Variants in LRRC28 observed in about 807,000 individuals in gnomAD.
LRRC28 encodes the protein leucine-rich repeat-containing protein 28.
LRRC28 carries 39 observed loss-of-function variants against 45.7 expected under a neutral mutation model. The observed-to-expected ratio is 0.85, with a 90% CI of 0.66 to 1.12. The LOEUF (loss-of-function observed/expected upper bound fraction) is 1.12, where lower values mean the gene tolerates loss of function less well. LRRC28 is among the 50% of genes most tolerant of loss of function. The pLI, the probability that LRRC28 is intolerant of heterozygous loss-of-function variation, is 0.00. For missense variants in LRRC28, 435 were observed against 438.5 expected (o/e 0.99, Z 0.07); for synonymous variants, 206 against 178.8 (o/e 1.15, Z -1.22).
intron 2 of LRRC28, among the ~76,000 whole-genome samples, chr15:99,263,397 A>G (rs892384422): frequency 6.6e-6 from 1 of 151,968 alleles, no homozygotes; most frequent in African/African-American, 2.4e-5. Flanking sequence ...TGTTTTAAAT[A>G]CTTTTTCCAT....
chr15:99,352,271 A>T (rs1956905277), intron 6 of LRRC28, 98 bp from the exon 7 acceptor site: 1 of 832,258 alleles, frequency 1.2e-6, no homozygotes, highest in Non-Finnish European at 1.9e-6. Flanking sequence ...CCAGAGTAGA[A>T]ATCTTCGAAT....
intron 6 of LRRC28, among the ~76,000 whole-genome samples, chr15:99,342,607 G>GAACT (rs1446198299): frequency 6.6e-6 from 1 of 152,118 alleles, no homozygotes; most frequent in Non-Finnish European, 1.5e-5. Context: ...GGAAGTGTAG[G>GAACT]AACTGTGTGT....
rs1958132611 is a variant in LRRC28, at chr15:99,389,857, C to T, written c.*3755C>T. ...ATCAAGTCTCGGCAGTGGCTCATGCCTATAATCCCAGCACTTTGGGAGGCC... is the reference window on the plus strand; with the variant it reads ...ATCAAGTCTCGGCAGTGGCTCATGCTTATAATCCCAGCACTTTGGGAGGCC... On this transcript the variant is annotated 3_prime_UTR_variant, in exon 10 of 10. Transcript: ENST00000301981. 1 of 152,182 alleles carries T rather than the reference C, an allele frequency of 6.6e-6. No individual in the cohort carries two copies. The highest frequency in any genetic ancestry group is 2.4e-5 in the African/African-American group (1 of 41,426). The allele number at this position is 152,182 out of a possible 1,614,324, so 9.4% of individuals were successfully genotyped here. A position where few individuals can be genotyped will look rare whatever the true frequency, so the allele number is the denominator to read the frequency against.
intron 5 of LRRC28, among the ~76,000 whole-genome samples, chr15:99,324,463 A>G (rs1430489097): frequency 6.6e-6 from 1 of 152,068 alleles, no homozygotes; most frequent in Non-Finnish European, 1.5e-5. Flanking sequence ...AGTGCTTAAA[A>G]ATATCAAGTC....
At chr15:99,321,024 G>T (rs967096192) in intron 5 of LRRC28, among the ~76,000 whole-genome samples, 1 of 152,108 alleles carries the variant, frequency 6.6e-6, no homozygotes, top group East Asian at 1.9e-4. Flanking sequence ...TTACTCAGAG[G>T]ATGCCAATCT....
intron 6 of LRRC28, among the ~76,000 whole-genome samples, chr15:99,336,668 C>G (rs1445163716): frequency 1.3e-5 from 2 of 152,320 alleles, no homozygotes; most frequent in East Asian, 3.9e-4. Context: ...CTCCCAATTA[C>G]TTGTTTCCAT....
chr15:99,383,552 A>G (rs1310397225), intron 9 of LRRC28, among the ~76,000 whole-genome samples: 1 of 152,186 alleles, frequency 6.6e-6, no homozygotes, highest in African/African-American at 2.4e-5. Flanking sequence ...GTTTCTCTGT[A>G]GTGGGCAGTT....
At chr15:99,293,711 G>C (rs2082195499) in intron 5 of LRRC28, among the ~76,000 whole-genome samples, 1 of 143,772 alleles carries the variant, frequency 7.0e-6, no homozygotes, top group Admixed American at 7.2e-5. Flanking sequence ...CAGTCTTGCT[G>C]TGTTGCCCAA....
chr15:99,380,855 G>A (rs538439947), intron 9 of LRRC28, among the ~76,000 whole-genome samples: 2 of 152,186 alleles, frequency 1.3e-5, no homozygotes, highest in Non-Finnish European at 2.9e-5. Flanking sequence ...AATGTTGACT[G>A]TTGGTCCCCA....
rs1435831723 is a variant in LRRC28, at chr15:99,387,250, C to CG, written c.*1152dup. 6.6e-6 allele frequency: 1 copy of CG among 150,616 alleles called. No homozygotes were observed. Among genetic ancestry groups the CG allele is most frequent in the East Asian group, 2.0e-4 (1 of 5,094 alleles). 9.3% of individuals were successfully genotyped at this position (150,616 alleles called of 1,614,324 possible). On this transcript the variant is annotated 3_prime_UTR_variant, in exon 10 of 10. Coordinates refer to ENST00000301981, the MANE Select transcript of LRRC28 (RefSeq NM_144598.5). The stretch of plus-strand genomic sequence containing the variant: ...TAATTTTTTGTATTTTTAGTAGAGA[C>CG]GGGGTTTCACCGTGTTAGCCGGGAT...
chr15:99,375,531 T>C (rs1386915722), intron 9 of LRRC28, among the ~76,000 whole-genome samples: 1 of 152,206 alleles, frequency 6.6e-6, no homozygotes, highest in Non-Finnish European at 1.5e-5. Context: ...CTGAAGAAAT[T>C]GTGTAAAACT....
intron 6 of LRRC28, among the ~76,000 whole-genome samples, chr15:99,346,062 G>T (rs1317137187): frequency 6.6e-6 from 1 of 152,132 alleles, no homozygotes; most frequent in Non-Finnish European, 1.5e-5. Context: ...GCTCACTGCA[G>T]CCTTGAAGTA....
chr15:99,344,359 C>T (rs1326111964), intron 6 of LRRC28, among the ~76,000 whole-genome samples: 1 of 151,950 alleles, frequency 6.6e-6, no homozygotes, highest in Non-Finnish European at 1.5e-5. Context: ...CTCCATCACC[C>T]ACTGCATTGT....
chr15:99,262,888 G>T (rs2081235824), intron 2 of LRRC28, among the ~76,000 whole-genome samples: 1 of 151,832 alleles, frequency 6.6e-6, no homozygotes, highest in Non-Finnish European at 1.5e-5. Flanking sequence ...GGGCTCAAGT[G>T]ATACTCCTGC....
In LRRC28 at chr15:99,387,252, G is replaced by A. The variant is rs982156045; in HGVS notation, c.*1150G>A. 4.6e-5 allele frequency: 7 copies of A among 150,794 alleles called. No homozygotes were observed. The highest frequency in any genetic ancestry group is 3.2e-3 in the Middle Eastern group (1 of 314). 9.3% of individuals were successfully genotyped at this position (150,794 alleles called of 1,614,324 possible). On this transcript the variant is annotated 3_prime_UTR_variant, in exon 10 of 10. Coordinates refer to ENST00000301981, the MANE Select transcript of LRRC28 (RefSeq NM_144598.5). ...ATTTTTTGTATTTTTAGTAGAGACG[G>A]GGTTTCACCGTGTTAGCCGGGATGG...
chr15:99,311,594 CTA>C (rs1955412797), intron 5 of LRRC28, among the ~76,000 whole-genome samples: 1 of 152,154 alleles, frequency 6.6e-6, no homozygotes, highest in Non-Finnish European at 1.5e-5. Context: ...GGTTGGCAAA[CTA>C]TGACACACAG....
Position 99,382,151 on chromosome 15 carries a change from G to T in LRRC28, c.1032-3879G>T, listed in dbSNP as rs1957847684. Among the ~76,000 whole-genome samples the T allele has an allele frequency of 2.0e-5, 3 of 152,244 alleles. No homozygotes were observed. The South Asian group carries it at 6.2e-4, about 31-fold the overall frequency. On this transcript the variant is annotated intron_variant, in intron 9 of 9. Coordinates refer to ENST00000301981, the MANE Select transcript of LRRC28 (RefSeq NM_144598.5). ...GAGGTGGAGTCTACAGAGGTAGGCA[G>T]GCCTCCTTGAGCTGCGGTGGGCTCC...
intron 5 of LRRC28, among the ~76,000 whole-genome samples, chr15:99,295,643 A>G (rs1030996058): frequency 6.6e-6 from 1 of 152,252 alleles, no homozygotes; most frequent in Admixed American, 6.5e-5. Context: ...GCAGTCAGAA[A>G]AGATGTTGCT....
At chr15:99,377,848 G>A (rs1957691552) in intron 9 of LRRC28, among the ~76,000 whole-genome samples, 2 of 152,138 alleles carry the variant, frequency 1.3e-5, no homozygotes, top group Non-Finnish European at 2.9e-5. Context: ...AGATCAGATG[G>A]TTGTAGATGT....
Sources: gnomAD v4.1 joint callset for allele counts (sites outside exome capture counted in the v4.1 genomes callset) on GRCh38, gnomAD v4.1.1 for gene constraint, MANE v1.5 for transcripts, NCBI Gene and HGNC (gene_info 2026-07-23, HGNC 2026-07-21) for gene names.